The following GAN variants were observed in gnomAD, a reference collection of about 807,000 sequenced individuals.
GAN encodes gigaxonin.
Under a neutral mutation model 71.3 loss-of-function variants are expected in GAN, and 48 were observed. That is an observed-to-expected ratio of 0.67 (90% CI 0.53 to 0.86). GAN has a LOEUF of 0.86. Ranked by LOEUF, GAN falls within the 40% of genes least tolerant of loss-of-function variation. GAN has a pLI of 0.00. For missense variants in GAN, 928 were observed against 770.1 expected (o/e 1.21, Z -2.43); for synonymous variants, 386 against 276.8 (o/e 1.39, Z -3.92).
chr16:81,372,522 G>A (rs310033), intron 9 of GAN, among the ~76,000 whole-genome samples: 147,413 of 152,314 alleles, frequency 0.97, 71,389 homozygotes, highest in East Asian at 1. Context: ...ATGTGATTCA[G>A]TTAAATTTTC....
At position 81,377,827 on chromosome 16, in the gene GAN, T is replaced by C; in HGVS notation, c.*231T>C. On this transcript the variant is annotated 3_prime_UTR_variant, in exon 11 of 11. Coordinates refer to ENST00000648994, the MANE Select transcript of GAN (RefSeq NM_022041.4). ...GAGTTCCTCCAGTTAAATGTGGCTG[T>C]AGATGTTGGAGGCTAGGGAGGCTAG... 3 of 579,404 alleles carry C rather than the reference T, an allele frequency of 5.2e-6. 1 individual carries two copies. The South Asian group carries it at 6.1e-5, about 12-fold the overall frequency. 35.9% of individuals were successfully genotyped at this position (579,404 alleles called of 1,614,324 possible). A position where few individuals can be genotyped will look rare whatever the true frequency, so the allele number is the denominator to read the frequency against.
chr16:81,351,442 C>T (rs1383845666), intron 1 of GAN, 141 bp from the exon 2 acceptor site: 7 of 635,558 alleles, frequency 1.1e-5, no homozygotes, highest in Non-Finnish European at 2.0e-5. Flanking sequence ...ATACATAGAC[C>T]TAAAGTTAAC....
At position 81,364,962 on chromosome 16, in the gene GAN, C is replaced by G. The variant is rs762728298; in HGVS notation, c.1237-12C>G. 4 of 1,613,642 alleles carry G rather than the reference C, an allele frequency of 2.5e-6. No homozygotes were observed. The highest frequency in any genetic ancestry group is 1.7e-5 in the Admixed American group (1 of 60,006). On this transcript the variant is annotated splice_polypyrimidine_tract_variant and intron_variant, in intron 7 of 10. Coordinates refer to ENST00000648994, the MANE Select transcript of GAN (RefSeq NM_022041.4). ...ATGTTGCCTCTCCCCCACCATTGTT[C>G]TCTGCTTTCAGATCGGCTGCTATGC...
At chr16:81,349,140 T>G (rs1910215581) in intron 1 of GAN, among the ~76,000 whole-genome samples, 1 of 152,148 alleles carries the variant, frequency 6.6e-6, no homozygotes, top group Non-Finnish European at 1.5e-5. Flanking sequence ...TTCAACTATT[T>G]CCTAAGACTT....
At chr16:81,363,694 G>A (rs1277884074) in intron 6 of GAN, 100 bp from the exon 7 acceptor site, 2 of 1,224,958 alleles carry the variant, frequency 1.6e-6, no homozygotes, top group Non-Finnish European at 2.4e-6. Flanking sequence ...GTCTATTTTT[G>A]CCATCTTTAT....
rs775953461 is a variant in GAN at position 81,354,548 on chromosome 16, A to G, written c.426A>G (p.Leu142=). 2 of 1,614,120 alleles carry G rather than the reference A, an allele frequency of 1.2e-6. No homozygotes were observed. The highest frequency in any genetic ancestry group is 2.2e-5 in the East Asian group (1 of 44,886). The stretch of plus-strand genomic sequence containing the variant: ...GTATTGGTATCCGTGACTTTGCACT[A>G]CATTACTGCCTCCATCACGTTCATT... The part of the protein sequence containing the change: ...ENCIGIRDFA[L]HYCLHHVHYL... The change falls in exon 3 of 11, where the codon CTA becomes CTG. Residue 142 remains leucine, a synonymous_variant. Coordinates refer to ENST00000648994, the MANE Select transcript of GAN (RefSeq NM_022041.4).
chr16:81,375,964 A>T (rs1313634093), intron 9 of GAN, among the ~76,000 whole-genome samples: 2 of 134,556 alleles, frequency 1.5e-5, no homozygotes, highest in Admixed American at 7.6e-5. Flanking sequence ...ACAGAGTAAG[A>T]CCCTGTCTCA....
intron 1 of GAN, among the ~76,000 whole-genome samples, chr16:81,339,206 A>T (rs1410424572): frequency 6.6e-6 from 1 of 152,216 alleles, no homozygotes; most frequent in Admixed American, 6.5e-5. Context: ...TACAAAGACA[A>T]GCACTCAGGC....
In GAN at chr16:81,390,214, G is replaced by T. The variant is rs1026095772; in HGVS notation, c.*12618G>T. On this transcript the variant is annotated 3_prime_UTR_variant, in exon 11 of 11. Transcript: ENST00000648994. ...CTAGAAGGCTGCAACTTGTAAAATTGTACTCCCCAAGTTCAGTAGGATAGT... is the reference window on the plus strand; with the variant it reads ...CTAGAAGGCTGCAACTTGTAAAATTTTACTCCCCAAGTTCAGTAGGATAGT... The T allele has an allele frequency of 6.6e-6, 1 of 152,124 alleles. No homozygotes were observed. Among genetic ancestry groups the T allele is most frequent in the Admixed American group, 6.5e-5 (1 of 15,268 alleles). 9.4% of individuals were successfully genotyped at this position (152,124 alleles called of 1,614,324 possible).
chr16:81,345,237 A>C (rs557140586), intron 1 of GAN, among the ~76,000 whole-genome samples: 2 of 152,230 alleles, frequency 1.3e-5, no homozygotes, highest in Non-Finnish European at 2.9e-5. Flanking sequence ...TTGACCCAGC[A>C]ATCCCATTAC....
intron 2 of GAN, among the ~76,000 whole-genome samples, chr16:81,352,522 T>C (rs1224140453): frequency 2.0e-5 from 3 of 152,206 alleles, no homozygotes; most frequent in Admixed American, 2.0e-4. Flanking sequence ...TTATTCTTTC[T>C]GAGATCTTGT....
intron 5 of GAN, among the ~76,000 whole-genome samples, chr16:81,361,163 T>C (rs909941997): frequency 1.3e-5 from 2 of 152,082 alleles, no homozygotes; most frequent in African/African-American, 4.8e-5. Flanking sequence ...AGGCAGAAGT[T>C]GCAGTGATCT....
At chr16:81,325,567 C>G (rs1287413925) in intron 1 of GAN, among the ~76,000 whole-genome samples, 1 of 152,138 alleles carries the variant, frequency 6.6e-6, no homozygotes, top group African/African-American at 2.4e-5. Context: ...TTTAAGAAGG[C>G]ATTTAGTTGC....
intron 1 of GAN, among the ~76,000 whole-genome samples, chr16:81,333,974 G>T (rs1909670765): frequency 6.6e-6 from 1 of 152,130 alleles, no homozygotes; most frequent in South Asian, 2.1e-4. Context: ...AAGTTTCATT[G>T]CACTGCCTTC....
chr16:81,377,564 G>C lies in GAN; in HGVS notation c.1762G>C (p.Gly588Arg). The change falls in exon 11 of 11, where the codon GGC (glycine) becomes CGC (arginine). Residue 588 changes from glycine to arginine, a missense_variant. Coordinates refer to ENST00000648994, the MANE Select transcript of GAN (RefSeq NM_022041.4). ...GCTTTTCCGCCTGCAGCTTCAGCAA[G>C]GCTTATTCCGTATTCGTGTTCATTC... ...CKLFRLQLQQ[G>R]LFRIRVHSP 1 of 1,614,234 alleles carries C rather than the reference G, an allele frequency of 6.2e-7. No homozygotes were observed. Among genetic ancestry groups the C allele is most frequent in the Non-Finnish European group, 8.5e-7 (1 of 1,180,034 alleles).
chr16:81,376,464 T>TAC (rs1174151672), intron 9 of GAN, among the ~76,000 whole-genome samples: 2 of 118,286 alleles, frequency 1.7e-5, no homozygotes, highest in Admixed American at 9.5e-5. Flanking sequence ...TATACATACA[T>TAC]ATGTGTGTGT....
At chr16:81,366,965 C>G (rs894243163) in intron 9 of GAN, among the ~76,000 whole-genome samples, 2 of 152,120 alleles carry the variant, frequency 1.3e-5, no homozygotes, top group Non-Finnish European at 2.9e-5. Context: ...GCTGGGACTA[C>G]AGGCGCATGC....
At chr16:81,316,836 G>C (rs6564866) in intron 1 of GAN, among the ~76,000 whole-genome samples, 7 of 152,108 alleles carry the variant, frequency 4.6e-5, no homozygotes, top group African/African-American at 1.7e-4. Flanking sequence ...CCCAACCACA[G>C]TGTGACCTCA....
chr16:81,356,679 C>G, intron 3 of GAN, 106 bp from the exon 4 acceptor site: 1 of 833,652 alleles, frequency 1.2e-6, no homozygotes. Context: ...TGGTAATAAC[C>G]TGAGTGTTAA....
Sources: gnomAD v4.1 joint callset for allele counts (sites outside exome capture counted in the v4.1 genomes callset) on GRCh38, gnomAD v4.1.1 for gene constraint, MANE v1.5 for transcripts, NCBI Gene and HGNC (gene_info 2026-07-23, HGNC 2026-07-21) for gene names.